The following THSD4 variants were observed in gnomAD, a reference collection of about 807,000 sequenced individuals.
THSD4 encodes thrombospondin type-1 domain-containing protein 4.
Under a neutral mutation model 119.0 loss-of-function variants are expected in THSD4, and 69 were observed. That is an observed-to-expected ratio of 0.58 (90% confidence interval 0.48 to 0.71). The LOEUF (loss-of-function observed/expected upper bound fraction) is 0.71, where lower values mean the gene tolerates loss of function less well. Ranked by LOEUF, THSD4 falls within the 30% of genes least tolerant of loss-of-function variation. The probability of loss-of-function intolerance (pLI) is 0.00; values close to 1 mark genes in which losing one functional copy is unlikely to be tolerated. For missense variants in THSD4, 1,393 were observed against 1,391.1 expected (o/e 1.00, Z -0.02); for synonymous variants, 524 against 540.4 (o/e 0.97, Z 0.42).
At position 71,413,830 on chromosome 15, in the gene THSD4, T is replaced by G. The variant is rs568595286; in HGVS notation, c.1152+2007T>G. ...AAACCACTGGTTTTCACACATCCTC[T>G]CTGAGCTTCAGTGTCCTCAGAAAAT... On this transcript the variant is annotated intron_variant, in intron 7 of 17. Transcript: ENST00000261862. Among the ~76,000 whole-genome samples, 5 of 152,374 alleles carry G rather than the reference T, an allele frequency of 3.3e-5. No individual in the cohort carries two copies. In the South Asian group the frequency reaches 1.0e-3, roughly 32 times the overall value.
intron 7 of THSD4, among the ~76,000 whole-genome samples, chr15:71,612,895 G>T (rs995957768): frequency 6.6e-6 from 1 of 152,242 alleles, no homozygotes; most frequent in Admixed American, 6.5e-5. Flanking sequence ...TCAGTAGGAA[G>T]AAGTAAACTC....
At chr15:71,726,945 A>T (rs1364338686) in intron 8 of THSD4, among the ~76,000 whole-genome samples, 6 of 152,158 alleles carry the variant, frequency 3.9e-5, no homozygotes, top group Non-Finnish European at 5.9e-5. Context: ...CTCAAAAAAA[A>T]AAAAAAGGTA....
intron 7 of THSD4, among the ~76,000 whole-genome samples, chr15:71,524,896 G>A (rs2140796785): frequency 6.6e-6 from 1 of 150,912 alleles, no homozygotes; most frequent in South Asian, 2.1e-4. Flanking sequence ...ACAAGCGTGA[G>A]CCACCATGCC....
At chr15:71,142,492 A>T (rs1275131545) in intron 2 of THSD4, among the ~76,000 whole-genome samples, 1 of 152,164 alleles carries the variant, frequency 6.6e-6, no homozygotes, top group Admixed American at 6.5e-5. Context: ...TTTTATTAAT[A>T]TAAATTTACT....
chr15:71,402,230 A>G (rs1041568616), intron 6 of THSD4, among the ~76,000 whole-genome samples: 1 of 103,132 alleles, frequency 9.7e-6, no homozygotes, highest in African/African-American at 3.5e-5. Context: ...TATAATAATT[A>G]AAAAAAAAAA....
intron 7 of THSD4, among the ~76,000 whole-genome samples, chr15:71,590,439 T>G (rs1021740849): frequency 7.4e-6 from 1 of 135,700 alleles, no homozygotes; most frequent in African/African-American, 2.6e-5. Context: ...GCCATTATCC[T>G]CAGCAAACTA....
intron 6 of THSD4, among the ~76,000 whole-genome samples, chr15:71,335,972 G>A (rs2140380514): frequency 6.6e-6 from 1 of 152,276 alleles, no homozygotes; most frequent in East Asian, 1.9e-4. Flanking sequence ...AAACCTGAGG[G>A]GCTGGACTGC....
At chr15:71,718,039 C>T (rs2052642118) in intron 8 of THSD4, among the ~76,000 whole-genome samples, 1 of 151,836 alleles carries the variant, frequency 6.6e-6, no homozygotes, top group African/African-American at 2.4e-5. Flanking sequence ...GTCTCAGCTA[C>T]TCGGGAGGCT....
At position 71,393,587 on chromosome 15, in the gene THSD4, T is replaced by C. The variant is rs116081193; in HGVS notation, c.1016-18100T>C. ...TGTTTGTGCGTGAGCAGATGGCTCC[T>C]ACTCTGTCTGGCTTCCTATTTATTT... is the stretch of plus-strand genomic sequence containing the variant. On this transcript the variant is annotated intron_variant, in intron 6 of 17. Coordinates refer to ENST00000261862, the MANE Select transcript of THSD4 (RefSeq NM_024817.3). Among the ~76,000 whole-genome samples the C allele has an allele frequency of 6.3e-3, 962 of 152,308 alleles. 11 individuals carry two copies. Among genetic ancestry groups the C allele is most frequent in the African/African-American group, 0.021 (879 of 41,578 alleles).
chr15:71,219,976 T>C (rs11853577), intron 4 of THSD4, among the ~76,000 whole-genome samples: 57,839 of 152,126 alleles, frequency 0.38, 11,548 homozygotes, highest in East Asian at 0.51. Flanking sequence ...TCTTGACAAA[T>C]GGATGGGATT....
intron 7 of THSD4, among the ~76,000 whole-genome samples, chr15:71,650,091 T>C (rs2051054594): frequency 6.6e-6 from 1 of 152,176 alleles, no homozygotes; most frequent in South Asian, 2.1e-4. Flanking sequence ...TTATAGCCCA[T>C]GGGCCAAATC....
intron 6 of THSD4, among the ~76,000 whole-genome samples, chr15:71,321,242 CTT>C (rs752523202): frequency 6.6e-6 from 1 of 152,034 alleles, no homozygotes; most frequent in Non-Finnish European, 1.5e-5. Flanking sequence ...CTCTGTAAAA[CTT>C]TTGTTATCAG....
chr15:71,248,403 C>A (rs2044225804), intron 5 of THSD4, among the ~76,000 whole-genome samples: 1 of 152,190 alleles, frequency 6.6e-6, no homozygotes, highest in African/African-American at 2.4e-5. Context: ...CTGAATGCAA[C>A]ACTTTCTCCC....
intron 7 of THSD4, among the ~76,000 whole-genome samples, chr15:71,585,022 C>T (rs936648612): frequency 6.6e-6 from 1 of 152,056 alleles, no homozygotes; most frequent in African/African-American, 2.4e-5. Flanking sequence ...CAATTTATAA[C>T]TTTTATGTTG....
Position 71,758,626 on chromosome 15 carries a change from C to T in THSD4, c.2589+551C>T, listed in dbSNP as rs188337680. 7.4e-4 allele frequency among the ~76,000 whole-genome samples: 113 copies of T among 152,264 alleles called. No homozygotes were observed. The South Asian group carries it at 0.018, about 24-fold the overall frequency. On this transcript the variant is annotated intron_variant, in intron 15 of 17. Transcript: ENST00000261862. ...TTTCCCTCACTCTTCCAAAATTGAACGTGAACCCCACTAAGAAAATGTGGA... is the reference window on the plus strand; with the variant it reads ...TTTCCCTCACTCTTCCAAAATTGAATGTGAACCCCACTAAGAAAATGTGGA...
intron 8 of THSD4, among the ~76,000 whole-genome samples, chr15:71,699,982 A>G (rs1275625103): frequency 6.6e-6 from 1 of 152,224 alleles, no homozygotes; most frequent in African/African-American, 2.4e-5. Context: ...TGATAAGGAA[A>G]GTCTACTGGA....
chr15:71,377,011 C>A (rs2046146092), intron 6 of THSD4, among the ~76,000 whole-genome samples: 1 of 151,942 alleles, frequency 6.6e-6, no homozygotes, highest in South Asian at 2.1e-4. Context: ...CAGGGAGGGA[C>A]CAAAAGGAGG....
chr15:71,463,422 C>T (rs1326942834), intron 7 of THSD4, among the ~76,000 whole-genome samples: 1 of 152,172 alleles, frequency 6.6e-6, no homozygotes, highest in African/African-American at 2.4e-5. Flanking sequence ...CTATCAGTCG[C>T]CCAAATTATA....
At chr15:71,556,653 A>G (rs1268866546) in intron 7 of THSD4, among the ~76,000 whole-genome samples, 1 of 152,024 alleles carries the variant, frequency 6.6e-6, no homozygotes, top group Non-Finnish European at 1.5e-5. Flanking sequence ...ATTCCCAGCT[A>G]CTGAAGAGGC....
Sources: allele counts gnomAD v4.1 joint callset (sites outside exome capture counted in the v4.1 genomes callset), GRCh38; gene constraint gnomAD v4.1.1; transcripts MANE v1.5; gene names NCBI Gene and HGNC (gene_info 2026-07-23, HGNC 2026-07-21).